Variants in MDGA2 observed in about 807,000 individuals in gnomAD.
MDGA2 encodes MAM domain-containing glycosylphosphatidylinositol anchor protein 2.
In MDGA2, 40 loss-of-function variants were observed where a neutral mutation model predicts 117.8. The observed-to-expected ratio is 0.34, with a 90% CI of 0.26 to 0.44. MDGA2 has a LOEUF of 0.44. MDGA2 is among the 20% of genes least tolerant of loss of function. The pLI is 1.00. For missense variants in MDGA2, 1,123 were observed against 1,250.6 expected, an observed-to-expected ratio of 0.90 and a Z score of 1.54; for synonymous variants, 452 against 439.0, an observed-to-expected ratio of 1.03 and a Z score of -0.37.
intron 8 of MDGA2, among the ~76,000 whole-genome samples, chr14:46,964,529 G>C (rs549370334): frequency 6.6e-6 from 1 of 152,152 alleles, no homozygotes; most frequent in Non-Finnish European, 1.5e-5. Context: ...ACAGCCAACA[G>C]ACTGATTTGC....
At chr14:47,132,143 T>C (rs2139154538) in intron 4 of MDGA2, among the ~76,000 whole-genome samples, 1 of 152,018 alleles carries the variant, frequency 6.6e-6, no homozygotes, top group Non-Finnish European at 1.5e-5. Context: ...AGGGGAAAAG[T>C]CTATTTCTGG....
At chr14:47,443,265 A>C (rs373739843) in intron 1 of MDGA2, among the ~76,000 whole-genome samples, 58 of 152,268 alleles carry the variant, frequency 3.8e-4, no homozygotes, top group South Asian at 8.3e-4. Flanking sequence ...GTGCATGATA[A>C]ATGCTCAATT....
Position 46,864,545 on chromosome 14 carries a change from G to GTTTTTTTTTTTTTTTTTTTTTTTTTTTTT in MDGA2, c.2752+8887_2752+8888insAAAAAAAAAAAAAAAAAAAAAAAAAAAAA, listed in dbSNP as rs71112467. Among the ~76,000 whole-genome samples, 4 of 51,472 alleles carry GTTTTTTTTTTTTTTTTTTTTTTTTTTTTT rather than the reference G, an allele frequency of 7.8e-5. 1 individual carries two copies. Among genetic ancestry groups the GTTTTTTTTTTTTTTTTTTTTTTTTTTTTT allele is most frequent in the Non-Finnish European group, 1.6e-4 (4 of 25,448 alleles). The allele number at this position is 51,472 out of a possible 152,430, so 33.8% of individuals were successfully genotyped here. Reference sequence around the variant, plus strand: ...TTTGTTGCGCTTTGCAGATATTGCTGTTTTTTTTTTTTTTTTTTTTTTTTT... The same window carrying GTTTTTTTTTTTTTTTTTTTTTTTTTTTTT: ...TTTGTTGCGCTTTGCAGATATTGCTGTTTTTTTTTTTTTTTTTTTTTTTTTTTTTTTTTTTTTTTTTTTTTTTTTTTTTT... On this transcript the variant is annotated intron_variant, in intron 14 of 16. Coordinates refer to ENST00000399232, the MANE Select transcript of MDGA2 (RefSeq NM_001113498.3).
intron 1 of MDGA2, among the ~76,000 whole-genome samples, chr14:47,380,800 C>T (rs1004220808): frequency 2.0e-5 from 3 of 151,956 alleles, no homozygotes; most frequent in Non-Finnish European, 2.9e-5. Context: ...GAGCTGGCAC[C>T]ATTCCTTCTG....
chr14:47,320,513 T>TC (rs1311444001), intron 1 of MDGA2, among the ~76,000 whole-genome samples: 2 of 152,102 alleles, frequency 1.3e-5, no homozygotes, highest in Non-Finnish European at 2.9e-5. Flanking sequence ...TACCTATCCT[T>TC]CCTTCCTTCA....
At chr14:46,846,252 C>T (rs964920728) in intron 15 of MDGA2, among the ~76,000 whole-genome samples, 3 of 152,072 alleles carry the variant, frequency 2.0e-5, no homozygotes, top group African/African-American at 7.2e-5. Context: ...TAACTCATAA[C>T]ATTAGTTTTC....
At chr14:47,620,637 T>C (rs970164835) in intron 1 of MDGA2, among the ~76,000 whole-genome samples, 2 of 152,222 alleles carry the variant, frequency 1.3e-5, no homozygotes, top group Non-Finnish European at 2.9e-5. Flanking sequence ...AATTAGCTTA[T>C]ACACTGCCCT....
intron 3 of MDGA2, among the ~76,000 whole-genome samples, chr14:47,171,607 G>A (rs1185493574): frequency 6.6e-6 from 1 of 152,192 alleles, no homozygotes; most frequent in Admixed American, 6.5e-5. Context: ...AATGCATGCT[G>A]CTAATCATTT....
intron 1 of MDGA2, among the ~76,000 whole-genome samples, chr14:47,435,363 T>C (rs1254328565): frequency 6.6e-6 from 1 of 152,116 alleles, no homozygotes; most frequent in African/African-American, 2.4e-5. Context: ...TTTTGGCTGC[T>C]GTATACTTTT....
chr14:47,448,349 A>G (rs1440898783), intron 1 of MDGA2, among the ~76,000 whole-genome samples: 4 of 151,986 alleles, frequency 2.6e-5, no homozygotes, highest in Non-Finnish European at 4.4e-5. Flanking sequence ...CATGTTGGCC[A>G]GGCTGGTCTC....
intron 7 of MDGA2, among the ~76,000 whole-genome samples, chr14:47,060,583 T>C (rs1889847235): frequency 6.6e-6 from 1 of 152,040 alleles, no homozygotes; most frequent in African/African-American, 2.4e-5. Flanking sequence ...TGAACCCTCC[T>C]CCACCAAATC....
At chr14:47,563,669 A>G (rs1895864795) in intron 1 of MDGA2, among the ~76,000 whole-genome samples, 1 of 132,404 alleles carries the variant, frequency 7.6e-6, no homozygotes, top group Non-Finnish European at 1.5e-5. Flanking sequence ...ACCACACGTG[A>G]GATGGGTCTC....
Position 47,102,656 on chromosome 14 carries a change from G to A in MDGA2, c.926-5533C>T, listed in dbSNP as rs149754343. 3.0e-4 allele frequency among the ~76,000 whole-genome samples: 45 copies of A among 152,228 alleles called. No individual in the cohort carries two copies. The East Asian group carries it at 7.8e-3, about 26-fold the overall frequency. ...CTCCCAGCTGCTAGGAACCCTCTGA[G>A]AGACCAAGTCAAGGGCACCGCAAAG... On this transcript the variant is annotated intron_variant, in intron 5 of 16. Coordinates refer to ENST00000399232, the MANE Select transcript of MDGA2 (RefSeq NM_001113498.3).
At chr14:47,432,364 T>A (rs1303764527) in intron 1 of MDGA2, among the ~76,000 whole-genome samples, 2 of 152,132 alleles carry the variant, frequency 1.3e-5, no homozygotes, top group Non-Finnish European at 2.9e-5. Flanking sequence ...TGTCATATTG[T>A]GTTATCTCAT....
chr14:47,596,497 G>A (rs1896545287), intron 1 of MDGA2, among the ~76,000 whole-genome samples: 1 of 151,926 alleles, frequency 6.6e-6, no homozygotes, highest in Admixed American at 6.6e-5. Context: ...TGCACGTGAC[G>A]TTTGTTTTTG....
intron 8 of MDGA2, among the ~76,000 whole-genome samples, chr14:46,982,975 C>T (rs1392278864): frequency 2.0e-5 from 3 of 151,894 alleles, no homozygotes; most frequent in Non-Finnish European, 4.4e-5. Context: ...TTTTGAGATA[C>T]GTCCCATCAA....
At position 46,920,033 on chromosome 14, in the gene MDGA2, T is replaced by A. The variant is rs1390799995; in HGVS notation, c.2217A>T (p.Ala739=). 1 of 1,584,552 alleles carries A rather than the reference T, an allele frequency of 6.3e-7. No individual in the cohort carries two copies. Residue 739 remains alanine, a synonymous_variant, in exon 10 of 17, where the codon GCA becomes GCT. Coordinates refer to ENST00000399232, the MANE Select transcript of MDGA2 (RefSeq NM_001113498.3). ...TCACCTGCCTGATGCCCAACCGGTATGCAACAATCCGATCCACTGCATCAG... is the reference window on the plus strand; with the variant it reads ...TCACCTGCCTGATGCCCAACCGGTAAGCAACAATCCGATCCACTGCATCAG... ...MNPDAVDRIV[A]YRLGIRQAGQ...
At chr14:47,282,680 G>C (rs1218487400) in intron 2 of MDGA2, among the ~76,000 whole-genome samples, 2 of 149,810 alleles carry the variant, frequency 1.3e-5, no homozygotes, top group Non-Finnish European at 3.0e-5. Flanking sequence ...CTGGGTGACA[G>C]AGCAAGAATG....
intron 3 of MDGA2, among the ~76,000 whole-genome samples, chr14:47,192,380 C>T (rs1039553466): frequency 5.3e-5 from 8 of 151,982 alleles, no homozygotes; most frequent in African/African-American, 1.9e-4. Context: ...CTTGGGAGGC[C>T]GAGGTGGGTG....
Sources: gnomAD v4.1 joint callset for allele counts (sites outside exome capture counted in the v4.1 genomes callset) on GRCh38, gnomAD v4.1.1 for gene constraint, MANE v1.5 for transcripts, NCBI Gene and HGNC (gene_info 2026-07-23, HGNC 2026-07-21) for gene names.